Variants in VAV3 observed in about 807,000 individuals in gnomAD.
The protein encoded by VAV3 is guanine nucleotide exchange factor VAV3.
VAV3 carries 94 observed loss-of-function variants against 131.2 expected under a neutral mutation model. The observed-to-expected ratio is 0.72, with a 90% CI of 0.61 to 0.85. The LOEUF is 0.85. Among genes scored for constraint, VAV3 ranks in the 40% least tolerant of loss-of-function variants. VAV3 has a pLI of 0.00. For synonymous variants in VAV3, 349 were observed against 342.0 expected (o/e 1.02, Z -0.22); for missense variants, 939 against 1,002.7 (o/e 0.94, Z 0.86).
At chr1:107,786,924 T>C (rs1165794460) in intron 2 of VAV3, among the ~76,000 whole-genome samples, 1 of 152,142 alleles carries the variant, frequency 6.6e-6, no homozygotes, top group Non-Finnish European at 1.5e-5. Flanking sequence ...ATAGATCCCT[T>C]TGAGAGTATG....
At chr1:107,841,758 A>G (rs77980438) in intron 2 of VAV3, among the ~76,000 whole-genome samples, 1 of 152,330 alleles carries the variant, frequency 6.6e-6, no homozygotes, top group East Asian at 1.9e-4. Context: ...GACACTTGAA[A>G]TGAGGCTAGT....
intron 2 of VAV3, among the ~76,000 whole-genome samples, chr1:107,838,714 C>A (rs979094218): frequency 1.3e-5 from 2 of 152,176 alleles, no homozygotes; most frequent in South Asian, 2.1e-4. Context: ...AAGTGCCCAA[C>A]AACGGTAGAC....
intron 11 of VAV3, 99 bp downstream of exon 11, chr1:107,757,162 T>C: frequency 2.9e-6 from 2 of 701,176 alleles, no homozygotes; most frequent in Middle Eastern, 5.6e-4. Flanking sequence ...TATGTGTGTG[T>C]GTGTGTGTGT....
chr1:107,790,382 G>C (rs1209248727), intron 2 of VAV3, among the ~76,000 whole-genome samples: 1 of 152,218 alleles, frequency 6.6e-6, no homozygotes, highest in African/African-American at 2.4e-5. Flanking sequence ...AACTGGACAA[G>C]ACCTTGCCTG....
chr1:107,866,922 C>T (rs1299951509), intron 2 of VAV3, among the ~76,000 whole-genome samples: 1 of 149,184 alleles, frequency 6.7e-6, no homozygotes, highest in East Asian at 2.0e-4. Flanking sequence ...GAAATGTCTC[C>T]AAAGGAAAAA....
intron 15 of VAV3, among the ~76,000 whole-genome samples, chr1:107,730,340 C>A (rs2101965345): frequency 6.6e-6 from 1 of 152,314 alleles, no homozygotes. Flanking sequence ...TCTGAATCCA[C>A]CCTGATAATT....
intron 1 of VAV3, among the ~76,000 whole-genome samples, chr1:107,924,996 T>C (rs1557927762): frequency 1.3e-5 from 2 of 152,318 alleles, no homozygotes; most frequent in Middle Eastern, 3.4e-3. Flanking sequence ...TTTGTAATAC[T>C]AAAACTTGGA....
Position 107,925,903 on chromosome 1 carries a change from T to TATATGTTAC in VAV3, c.204+38754_204+38762dup, listed in dbSNP as rs539354459. 1.0e-3 allele frequency among the ~76,000 whole-genome samples: 156 copies of TATATGTTAC among 151,244 alleles called. 3 individuals carry two copies. The South Asian group carries it at 0.032, about 31-fold the overall frequency. On this transcript the variant is annotated intron_variant, in intron 1 of 26. Coordinates refer to ENST00000370056, the MANE Select transcript of VAV3 (RefSeq NM_006113.5). ...ATATAAATATATAACATATATGATA[T>TATATGTTAC]ATATGTTACATATATAACATACGTA...
rs550594394 is a variant in VAV3, at chr1:107,816,287, C to T, written c.322-36795G>A. On this transcript the variant is annotated intron_variant, in intron 2 of 26. Transcript: ENST00000370056. ...GGATGACTTTGGACAAGTTACTTCA[C>T]TTCTCTGAGCCTATTTTCTCATATA... Among the ~76,000 whole-genome samples, 11 of 152,350 alleles carry T rather than the reference C, an allele frequency of 7.2e-5. No homozygotes were observed. The East Asian group carries it at 2.1e-3, about 29-fold the overall frequency.
intron 19 of VAV3, among the ~76,000 whole-genome samples, chr1:107,643,901 G>T (rs1236416528): frequency 1.3e-5 from 2 of 152,112 alleles, no homozygotes; most frequent in African/African-American, 4.8e-5. Flanking sequence ...GGAGGCAGAG[G>T]TTGAAAAACA....
rs892991384 is a variant in VAV3, at chr1:107,642,718, T to G, written c.1815A>C (p.Gly605=). Residue 605 remains glycine, a synonymous_variant, in exon 20 of 27, where the codon GGA becomes GGC. Coordinates refer to ENST00000370056, the MANE Select transcript of VAV3 (RefSeq NM_006113.5). The part of the protein sequence containing the change: ...PKMQVIRNYS[G]TPPPALHEGP... ...CTTCATGCAGAGCTGGGGGTGGTGT[T>G]CCAGAATAGTTCCTAATGACCTGCA... 10 of 1,613,256 alleles carry G rather than the reference T, an allele frequency of 6.2e-6. No homozygotes were observed. The highest frequency in any genetic ancestry group is 8.5e-6 in the Non-Finnish European group (10 of 1,179,646).
chr1:107,886,464 C>T (rs149187291), intron 1 of VAV3, among the ~76,000 whole-genome samples: 1 of 152,326 alleles, frequency 6.6e-6, no homozygotes, highest in African/African-American at 2.4e-5. Flanking sequence ...CTTATCTAGA[C>T]TTGTGTTCCA....
intron 15 of VAV3, among the ~76,000 whole-genome samples, chr1:107,738,895 A>C (rs547851208): frequency 6.6e-6 from 1 of 152,358 alleles, no homozygotes; most frequent in African/African-American, 2.4e-5. Flanking sequence ...GACAAGCCGG[A>C]GACAGTAGCA....
chr1:107,736,054 T>A, intron 15 of VAV3, among the ~76,000 whole-genome samples: 1 of 152,090 alleles, frequency 6.6e-6, no homozygotes, highest in Non-Finnish European at 1.5e-5. Context: ...TGGTTCAACA[T>A]ATGCAAATGA....
chr1:107,661,019 C>T (rs1057118745), intron 19 of VAV3, among the ~76,000 whole-genome samples: 24 of 151,872 alleles, frequency 1.6e-4, no homozygotes, highest in Admixed American at 2.0e-4. Flanking sequence ...TATCTATATA[C>T]ACACACACAT....
chr1:107,745,041 T>C (rs1209796465), intron 15 of VAV3, among the ~76,000 whole-genome samples: 1 of 152,180 alleles, frequency 6.6e-6, no homozygotes, highest in Non-Finnish European at 1.5e-5. Context: ...GGAAAACATA[T>C]CCATAGCTTC....
intron 1 of VAV3, among the ~76,000 whole-genome samples, chr1:107,949,703 T>C (rs1478684048): frequency 6.6e-6 from 1 of 152,166 alleles, no homozygotes; most frequent in Non-Finnish European, 1.5e-5. Flanking sequence ...GATGAATTAA[T>C]TGCTATATTT....
Position 107,602,482 on chromosome 1 carries a change from T to C in VAV3, c.2135A>G (p.Tyr712Cys), listed in dbSNP as rs1651939079. Reference sequence around the variant, plus strand: ...CTTGATGTGCTTTGCTTCATTATTGTACCTGTGGGCAATGAATAACTTATG... The same window carrying C: ...CTTGATGTGCTTTGCTTCATTATTGCACCTGTGGGCAATGAATAACTTATG... ...ESGEYAISIK[Y>C]NNEAKHIKIL... The change falls in exon 24 of 27, where the codon TAC becomes TGC. Residue 712 changes from tyrosine (Y) to cysteine (C), a missense_variant and splice_region_variant. Physicochemically the swap from Tyr to Cys is radical, Grantham distance 194. Transcript: ENST00000370056. 4.5e-6 allele frequency: 7 copies of C among 1,568,050 alleles called. No homozygotes were observed. Among genetic ancestry groups the C allele is most frequent in the African/African-American group, 1.4e-5 (1 of 71,564 alleles).
chr1:107,710,235 C>G (rs1557781784), intron 15 of VAV3, among the ~76,000 whole-genome samples: 4 of 152,260 alleles, frequency 2.6e-5, no homozygotes, highest in Non-Finnish European at 5.9e-5. Context: ...GTCTCATGCT[C>G]TATCAGTATT....
Sources: allele counts gnomAD v4.1 joint callset (sites outside exome capture counted in the v4.1 genomes callset), GRCh38; gene constraint gnomAD v4.1.1; transcripts MANE v1.5; gene names NCBI Gene and HGNC (gene_info 2026-07-23, HGNC 2026-07-21).